Variants in GPM6A observed in about 807,000 individuals in gnomAD.
GPM6A encodes glycoprotein M6A, also known as neuronal membrane glycoprotein M6-a.
GPM6A carries 7 observed loss-of-function variants against 32.1 expected under a neutral mutation model. The ratio of observed to expected loss-of-function variants is 0.22; its 90% CI spans 0.12 to 0.41. GPM6A has a LOEUF of 0.41. Ranked by LOEUF, GPM6A falls within the 10% of genes least tolerant of loss-of-function variation. The pLI, the probability that GPM6A is intolerant of heterozygous loss-of-function variation, is 1.00. For missense variants in GPM6A, 235 were observed against 347.2 expected, an observed-to-expected ratio of 0.68 and a Z score of 2.57; for synonymous variants, 130 against 123.4, an observed-to-expected ratio of 1.05 and a Z score of -0.35.
chr4:175,874,614 G>T (rs1160809352), intron 1 of GPM6A, among the ~76,000 whole-genome samples: 2 of 152,152 alleles, frequency 1.3e-5, no homozygotes, highest in Non-Finnish European at 2.9e-5. Context: ...AAGGTCAATG[G>T]AAGGTTTTTA....
At chr4:175,789,861 G>A (rs997519983) in intron 1 of GPM6A, among the ~76,000 whole-genome samples, 13 of 152,088 alleles carry the variant, frequency 8.5e-5, no homozygotes, top group African/African-American at 1.4e-4. Flanking sequence ...TGCCATCTGC[G>A]GATATCATCT....
intron 1 of GPM6A, among the ~76,000 whole-genome samples, chr4:175,789,050 T>C (rs1449649772): frequency 6.6e-6 from 1 of 152,176 alleles, no homozygotes; most frequent in African/African-American, 2.4e-5. Flanking sequence ...GACACCATGG[T>C]GCTGTAAAAA....
At chr4:175,637,673 T>TATA (rs1560842703) in intron 6 of GPM6A, among the ~76,000 whole-genome samples, 2 of 4,296 alleles carry the variant, frequency 4.7e-4, no homozygotes, top group Non-Finnish European at 4.1e-3. Flanking sequence ...ATAATATATA[T>TATA]AATATATATA....
In GPM6A at chr4:175,890,012, C is replaced by T. The variant is rs371261465; in HGVS notation, c.-22-77763G>A. 7.2e-5 allele frequency among the ~76,000 whole-genome samples: 11 copies of T among 152,148 alleles called. No homozygotes were observed. In the East Asian group the frequency reaches 1.7e-3, roughly 24 times the overall value. ...AAAATAACCAAATAATATAAACAAGCCATGCACGAAATTGGAAATACCAAA... is the reference window on the plus strand; with the variant it reads ...AAAATAACCAAATAATATAAACAAGTCATGCACGAAATTGGAAATACCAAA... On this transcript the variant is annotated intron_variant, in intron 1 of 7. Coordinates refer to the GPM6A transcript ENST00000280187.
At chr4:175,754,244 C>G (rs1311537588) in intron 1 of GPM6A, among the ~76,000 whole-genome samples, 1 of 152,028 alleles carries the variant, frequency 6.6e-6, no homozygotes, top group Non-Finnish European at 1.5e-5. Flanking sequence ...GCTGAATCAA[C>G]AGTCTCCTTG....
chr4:175,810,726 T>C (rs1560945750), intron 1 of GPM6A, among the ~76,000 whole-genome samples: 1 of 152,222 alleles, frequency 6.6e-6, no homozygotes. Context: ...AGTATCATTA[T>C]TAGGTATTAC....
intron 1 of GPM6A, chr4:175,787,391 C>CT: frequency 6.5e-7 from 1 of 1,535,090 alleles, no homozygotes; most frequent in South Asian, 1.2e-5. Context: ...CTTGTGAACT[C>CT]TATTTTCCCT....
In GPM6A at chr4:175,778,119, T is replaced by C. The variant is rs17659153; in HGVS notation, c.37+34072A>G. Reference sequence around the variant, plus strand: ...CAATGCTTATTAAAAAATACCAGAGTAGAACTTGAAGACCACTAGGTTGGG... The same window carrying C: ...CAATGCTTATTAAAAAATACCAGAGCAGAACTTGAAGACCACTAGGTTGGG... On this transcript the variant is annotated intron_variant, in intron 1 of 6. Transcript: ENST00000393658. Among the ~76,000 whole-genome samples the C allele has an allele frequency of 5.8e-3, 888 of 152,168 alleles. 10 individuals are homozygous for C. The highest frequency in any genetic ancestry group is 0.01 in the Non-Finnish European group (696 of 67,998).
At chr4:175,978,355 C>G (rs188577190) in intron 1 of GPM6A, among the ~76,000 whole-genome samples, 1 of 152,194 alleles carries the variant, frequency 6.6e-6, no homozygotes, top group Admixed American at 6.5e-5. Flanking sequence ...TGGGGAAAAC[C>G]AATTGCCTGA....
intron 1 of GPM6A, among the ~76,000 whole-genome samples, chr4:175,711,453 T>TATATATAC (rs1745534079): frequency 2.8e-5 from 1 of 35,684 alleles, no homozygotes; most frequent in Non-Finnish European, 7.6e-5. Context: ...TATATATATA[T>TATATATAC]ATATACACAC....
At chr4:175,855,692 G>C (rs1302234013) in intron 1 of GPM6A, among the ~76,000 whole-genome samples, 1 of 152,172 alleles carries the variant, frequency 6.6e-6, no homozygotes, top group Non-Finnish European at 1.5e-5. Context: ...CTCACTATTG[G>C]AGTGGAAATT....
chr4:175,755,742 T>C (rs1212784277), intron 1 of GPM6A, among the ~76,000 whole-genome samples: 1 of 152,178 alleles, frequency 6.6e-6, no homozygotes, highest in East Asian at 1.9e-4. Context: ...TTGTAGGTAA[T>C]TATGTAGTGT....
intron 6 of GPM6A, among the ~76,000 whole-genome samples, chr4:175,637,087 A>ATATCATATATAATATATTATATGTG (rs1560841360): frequency 1.5e-5 from 1 of 66,060 alleles, no homozygotes; most frequent in Non-Finnish European, 2.7e-5. Flanking sequence ...TATAACATAT[A>ATATCATATATAATATATTATATGTG]ATATATCATA....
intron 1 of GPM6A, among the ~76,000 whole-genome samples, chr4:175,821,809 T>G (rs568802431): frequency 6.6e-6 from 1 of 152,240 alleles, no homozygotes; most frequent in South Asian, 2.1e-4. Flanking sequence ...GCAAATTTGC[T>G]AAACTCTCCT....
chr4:175,855,411 A>G (rs906395368), intron 1 of GPM6A, among the ~76,000 whole-genome samples: 2 of 152,216 alleles, frequency 1.3e-5, no homozygotes, highest in South Asian at 2.1e-4. Flanking sequence ...GATCCCAGGA[A>G]AGAATGCAGA....
intron 1 of GPM6A, among the ~76,000 whole-genome samples, chr4:175,984,244 C>G (rs953589604): frequency 1.3e-5 from 2 of 152,146 alleles, no homozygotes; most frequent in Non-Finnish European, 2.9e-5. Context: ...CTCACTGCAA[C>G]CTCTGCCTCC....
chr4:175,934,778 AT>A (rs1397378488), intron 1 of GPM6A, among the ~76,000 whole-genome samples: 34 of 152,348 alleles, frequency 2.2e-4, no homozygotes, highest in African/African-American at 7.9e-4. Flanking sequence ...TGAAGCTCTC[AT>A]TTATGCCTCC....
In GPM6A at chr4:175,889,762, G is replaced by A. The variant is rs528058729; in HGVS notation, c.-22-77513C>T. Among the ~76,000 whole-genome samples, 7 of 152,160 alleles carry A rather than the reference G, an allele frequency of 4.6e-5. No homozygotes were observed. In the East Asian group the frequency reaches 7.7e-4, roughly 17 times the overall value. ...CGGGAGGCGGAGCTTGCAGTGAGCC[G>A]AGATCGCGCCACTGCACTCCAGCCT... On this transcript the variant is annotated intron_variant, in intron 1 of 7. Coordinates refer to the GPM6A transcript ENST00000280187.
intron 1 of GPM6A, among the ~76,000 whole-genome samples, chr4:175,795,293 T>C (rs914961833): frequency 6.6e-6 from 1 of 152,234 alleles, no homozygotes. Flanking sequence ...TATGGCTATC[T>C]GAGGCAGGCA....
Sources: allele counts gnomAD v4.1 joint callset (sites outside exome capture counted in the v4.1 genomes callset), GRCh38; gene constraint gnomAD v4.1.1; transcripts MANE v1.5; gene names NCBI Gene and HGNC (gene_info 2026-07-23, HGNC 2026-07-21).